Variants in PDLIM2 observed in about 807,000 individuals in gnomAD.
PDLIM2 encodes the protein PDZ and LIM domain protein 2.
Under a neutral mutation model 54.1 loss-of-function variants are expected in PDLIM2, and 51 were observed. That is an observed-to-expected ratio of 0.94 (90% CI 0.75 to 1.19). The LOEUF (loss-of-function observed/expected upper bound fraction) is 1.19, where lower values mean the gene tolerates loss of function less well. Ranked by LOEUF, PDLIM2 falls within the 50% of genes most tolerant of loss-of-function variation. The pLI, the probability that PDLIM2 is intolerant of heterozygous loss-of-function variation, is 0.00. For synonymous variants in PDLIM2, 398 were observed against 385.6 expected, an observed-to-expected ratio of 1.03 and a Z score of -0.38; for missense variants, 912 against 874.0, an observed-to-expected ratio of 1.04 and a Z score of -0.55.
exon 10 of PDLIM2, chr8:22,594,158 G>T: frequency 7.1e-7 from 1 of 1,417,654 alleles, no homozygotes; most frequent in Non-Finnish European, 9.2e-7. Flanking sequence ...CACTGCCTTT[G>T]ATCAACCTTT....
At chr8:22,584,014 T>C (rs1435571014) in intron 3 of PDLIM2, among the ~76,000 whole-genome samples, 2 of 151,918 alleles carry the variant, frequency 1.3e-5, no homozygotes, top group African/African-American at 2.4e-5. Context: ...GTTGTTACTG[T>C]CGTTTGAGAT....
intron 3 of PDLIM2, among the ~76,000 whole-genome samples, chr8:22,582,921 G>A (rs868418494): frequency 1.7e-4 from 3 of 17,552 alleles, no homozygotes; most frequent in East Asian, 1.4e-3. Flanking sequence ...CCCCCCCCCC[G>A]CCCCCATCTC....
intron 6 of PDLIM2, among the ~76,000 whole-genome samples, chr8:22,585,867 C>T (rs764304108): frequency 3.3e-5 from 5 of 151,260 alleles, no homozygotes; most frequent in Admixed American, 6.6e-5. Flanking sequence ...CCCAGTGGGA[C>T]TGCGGTTCTG....
At chr8:22,597,447 G>C (rs1800703786), downstream of PDLIM2, 1 of 152,488 alleles carries the variant, frequency 6.6e-6, no homozygotes, top group Non-Finnish European at 1.5e-5. Context: ...GTGGTGGGGA[G>C]GAGGGGTGCG....
At chr8:22,594,745 G>C (rs61082641), downstream of PDLIM2, 10,781 of 1,494,072 alleles carry the variant, frequency 7.2e-3, 439 homozygotes, top group African/African-American at 0.092. Flanking sequence ...TCCTGGGAGA[G>C]ACTGCTGGCT....
rs144111335 is a variant in PDLIM2, at chr8:22,579,810, A to G, written c.748+283A>G. On this transcript the variant is annotated intron_variant, in intron 1 of 9. Transcript: ENST00000308354. The stretch of plus-strand genomic sequence containing the variant: ...GAAATCCCACAGGGGTCTGTCTGCA[A>G]GGGCACTTCCTTGCCCAGCGGAGGG... 1,684 of 370,482 alleles carry G rather than the reference A, an allele frequency of 4.5e-3. 19 individuals are homozygous for G. Among genetic ancestry groups the G allele is most frequent in the African/African-American group, 0.024 (1,160 of 47,824 alleles). The allele number at this position is 370,482 out of a possible 1,614,324, so 22.9% of individuals were successfully genotyped here.
At chr8:22,584,735 C>G in intron 3 of PDLIM2, 86 bp from the exon 3 acceptor site, 1 of 1,308,582 alleles carries the variant, frequency 7.6e-7, no homozygotes, top group South Asian at 1.2e-5. Flanking sequence ...GTGTTGAGAA[C>G]TAGATCTGGG....
intron 6 of PDLIM2, 162 bp downstream of exon 5, chr8:22,585,561 G>T: frequency 1.9e-6 from 1 of 515,462 alleles, no homozygotes. Context: ...GGGAGGCCAT[G>T]CTTCTGGTCG....
intron 9 of PDLIM2, chr8:22,591,983 G>T: frequency 4.4e-6 from 1 of 226,484 alleles, no homozygotes; most frequent in Non-Finnish European, 8.5e-6. Context: ...GGAAAATCTT[G>T]CTCTTTCCCC....
intron 3 of PDLIM2, among the ~76,000 whole-genome samples, chr8:22,584,339 C>T (rs147553640): frequency 1.8e-3 from 274 of 152,026 alleles, no homozygotes; most frequent in African/African-American, 6.2e-3. Flanking sequence ...GACAGAATCT[C>T]GCTGTGTTGC....
rs1586926218 is a variant in PDLIM2 at position 22,589,080 on chromosome 8, G to A, written c.1291-218G>A. The A allele has an allele frequency of 5.1e-6, 3 of 590,574 alleles. No homozygotes were observed. The East Asian group carries it at 8.7e-5, about 17-fold the overall frequency. 36.6% of individuals were successfully genotyped at this position (590,574 alleles called of 1,614,324 possible). ...CCCTCTCTGGACCCTGGCAGTCTCTGCGCCCTGGCTCCGAGGGAAGGGGCA... is the reference window on the plus strand; with the variant it reads ...CCCTCTCTGGACCCTGGCAGTCTCTACGCCCTGGCTCCGAGGGAAGGGGCA... On this transcript the variant is annotated intron_variant, in intron 6 of 9. Coordinates refer to ENST00000308354, the Ensembl canonical transcript of PDLIM2.
At chr8:22,592,189 C>G (rs1226494713) in intron 9 of PDLIM2, 1 of 143,632 alleles carries the variant, frequency 7.0e-6, no homozygotes, top group African/African-American at 2.6e-5. Flanking sequence ...TCACGCTATT[C>G]TCGTGTCTCA....
At chr8:22,586,087 C>G (rs1024885018) in intron 6 of PDLIM2, among the ~76,000 whole-genome samples, 4 of 152,164 alleles carry the variant, frequency 2.6e-5, no homozygotes, top group Non-Finnish European at 4.4e-5. Flanking sequence ...GTGGGGGGCA[C>G]GTCCAGCCTT....
chr8:22,586,847 T>C (rs1800395121), intron 6 of PDLIM2, among the ~76,000 whole-genome samples: 1 of 152,258 alleles, frequency 6.6e-6, no homozygotes, highest in South Asian at 2.1e-4. Context: ...TGAGAACTTG[T>C]TGGAAATGCA....
At chr8:22,584,536 C>T (rs1347578924) in intron 3 of PDLIM2, among the ~76,000 whole-genome samples, 1 of 152,182 alleles carries the variant, frequency 6.6e-6, no homozygotes, top group African/African-American at 2.4e-5. Context: ...GTCTTGAACT[C>T]TTGGGCTCAA....
chr8:22,584,369 C>T (rs937699303), intron 3 of PDLIM2, among the ~76,000 whole-genome samples: 2 of 151,840 alleles, frequency 1.3e-5, no homozygotes, highest in Non-Finnish European at 2.9e-5. Context: ...AAGGCAGTGG[C>T]ACAATCACGG....
exon 1 of PDLIM2, chr8:22,579,315 T>C (rs780771593): frequency 2.1e-6 from 3 of 1,424,202 alleles, no homozygotes; most frequent in Non-Finnish European, 1.8e-6. Context: ...AACCCTGGCC[T>C]CGTCCGCGGC....
chr8:22,580,514 T>C, intron 1 of PDLIM2: 1 of 1,602,972 alleles, frequency 6.2e-7, no homozygotes, highest in Non-Finnish European at 8.5e-7. Flanking sequence ...GCCCTCTCCT[T>C]CTCCCTTTGG....
chr8:22,582,558 G>C (rs1800237084), intron 3 of PDLIM2, among the ~76,000 whole-genome samples: 1 of 151,386 alleles, frequency 6.6e-6, no homozygotes, highest in African/African-American at 2.4e-5. Flanking sequence ...CACCAGGCAA[G>C]CCCAGACTCC....
Sources: allele counts gnomAD v4.1 joint callset (sites outside exome capture counted in the v4.1 genomes callset), GRCh38; gene constraint gnomAD v4.1.1; transcripts MANE v1.5; gene names NCBI Gene and HGNC (gene_info 2026-07-23, HGNC 2026-07-21).